Variants in EIF4G3 observed in about 807,000 individuals in gnomAD.
EIF4G3 encodes eukaryotic translation initiation factor 4 gamma 3.
EIF4G3 carries 34 observed loss-of-function variants against 186.4 expected under a neutral mutation model. That is an observed-to-expected ratio of 0.18 (90% CI 0.14 to 0.24). EIF4G3 has a LOEUF of 0.24. Ranked by LOEUF, EIF4G3 falls within the 10% of genes least tolerant of loss-of-function variation. EIF4G3 has a pLI of 1.00. For missense variants in EIF4G3, 1,536 were observed against 1,948.5 expected, an observed-to-expected ratio of 0.79 and a Z score of 3.99; for synonymous variants, 673 against 679.5, an observed-to-expected ratio of 0.99 and a Z score of 0.15.
chr1:20,985,419 C>CG (rs1390734907), intron 7 of EIF4G3, among the ~76,000 whole-genome samples: 4 of 151,918 alleles, frequency 2.6e-5, no homozygotes, highest in Admixed American at 2.0e-4. Context: ...AATAGTCTAT[C>CG]TGGAGCTTGT....
intron 3 of EIF4G3, among the ~76,000 whole-genome samples, chr1:21,070,833 T>C (rs2095419888): frequency 6.6e-6 from 1 of 152,206 alleles, no homozygotes; most frequent in Admixed American, 6.5e-5. Context: ...CTAGTAATAA[T>C]AGACTGAATC....
intron 3 of EIF4G3, among the ~76,000 whole-genome samples, chr1:21,052,732 C>A (rs915999307): frequency 1.1e-4 from 16 of 152,296 alleles, no homozygotes; most frequent in African/African-American, 3.8e-4. Flanking sequence ...AGGCGCGCGC[C>A]GCCACGCCTG....
chr1:20,978,475 A>G (rs2077297099), intron 10 of EIF4G3, among the ~76,000 whole-genome samples: 1 of 152,162 alleles, frequency 6.6e-6, no homozygotes, highest in Admixed American at 6.5e-5. Context: ...ACCTGCAGTC[A>G]ACCAGTCTGA....
chr1:21,078,957 C>T (rs2095676605), intron 3 of EIF4G3, among the ~76,000 whole-genome samples: 1 of 152,142 alleles, frequency 6.6e-6, no homozygotes, highest in African/African-American at 2.4e-5. Flanking sequence ...TGCACTCCAA[C>T]CTGGGCAACG....
chr1:21,022,973 TTAG>T (rs1156696729), intron 4 of EIF4G3, among the ~76,000 whole-genome samples: 2 of 152,200 alleles, frequency 1.3e-5, no homozygotes, highest in Non-Finnish European at 2.9e-5. Flanking sequence ...AGGATGCTAA[TTAG>T]TAGTACCCTC....
intron 27 of EIF4G3, among the ~76,000 whole-genome samples, chr1:20,852,780 AATC>A: frequency 6.6e-6 from 1 of 152,330 alleles, no homozygotes; most frequent in Non-Finnish European, 1.5e-5. Context: ...TGACAACCTG[AATC>A]ATCATGAAAA....
At chr1:20,957,106 C>A (rs2096450241) in intron 12 of EIF4G3, among the ~76,000 whole-genome samples, 1 of 152,088 alleles carries the variant, frequency 6.6e-6, no homozygotes, top group African/African-American at 2.4e-5. Flanking sequence ...CAATAGAGAA[C>A]ATCCTTGAAA....
intron 2 of EIF4G3, among the ~76,000 whole-genome samples, chr1:21,167,480 C>A (rs1170602502): frequency 6.6e-6 from 1 of 152,006 alleles, no homozygotes; most frequent in Non-Finnish European, 1.5e-5. Context: ...ACCAGCCTGG[C>A]CAATATATAA....
intron 10 of EIF4G3, among the ~76,000 whole-genome samples, chr1:20,975,678 A>C (rs2076717383): frequency 6.6e-6 from 1 of 150,888 alleles, no homozygotes; most frequent in South Asian, 2.1e-4. Context: ...ATTTAAAAAC[A>C]TTTTTATTCC....
At chr1:21,160,859 C>T (rs530560234) in intron 2 of EIF4G3, among the ~76,000 whole-genome samples, 1 of 152,226 alleles carries the variant, frequency 6.6e-6, no homozygotes, top group African/African-American at 2.4e-5. Context: ...CAGAGTAGGA[C>T]GTGTAGTGCT....
At chr1:21,076,775 TATACCAAAATC>T (rs1418392881) in intron 3 of EIF4G3, among the ~76,000 whole-genome samples, 13 of 152,136 alleles carry the variant, frequency 8.5e-5, no homozygotes, top group African/African-American at 3.1e-4. Context: ...TCTCTAACCA[TATACCAAAATC>T]AAACCAAAAT....
chr1:20,883,692 G>A (rs2083165244), intron 19 of EIF4G3, among the ~76,000 whole-genome samples: 2 of 151,818 alleles, frequency 1.3e-5, no homozygotes, highest in South Asian at 4.1e-4. Flanking sequence ...CTAGGTAAAG[G>A]GAAGAAAAAA....
chr1:20,923,478 G>A, intron 14 of EIF4G3, among the ~76,000 whole-genome samples: 1 of 151,988 alleles, frequency 6.6e-6, no homozygotes, highest in East Asian at 1.9e-4. Flanking sequence ...TTTAATTCAA[G>A]GTAAATCTAG....
At chr1:21,075,946 A>C (rs779383312) in intron 3 of EIF4G3, among the ~76,000 whole-genome samples, 1 of 152,174 alleles carries the variant, frequency 6.6e-6, no homozygotes, top group Non-Finnish European at 1.5e-5. Context: ...TGATCTAGAA[A>C]GAAAATAAAT....
intron 12 of EIF4G3, among the ~76,000 whole-genome samples, chr1:20,962,273 A>G (rs773577041): frequency 1.8e-4 from 28 of 152,170 alleles, no homozygotes; most frequent in African/African-American, 5.8e-4. Context: ...TGAAAGCCTT[A>G]CCGATAAAAC....
rs554269076 is a variant in EIF4G3, at chr1:20,839,064, C to T, written c.4061+1792G>A. Among the ~76,000 whole-genome samples the T allele has an allele frequency of 3.9e-5, 6 of 152,152 alleles. No individual in the cohort carries two copies. In the South Asian group the frequency reaches 8.3e-4, roughly 21 times the overall value. On this transcript the variant is annotated intron_variant, in intron 30 of 36. Transcript: ENST00000602326. ...CGCAATTTCAGCTCACTGCAACCTC[C>T]ACCTCCCTGGTTCAAGAGATTCTCT...
intron 12 of EIF4G3, among the ~76,000 whole-genome samples, chr1:20,957,191 T>C (rs2096453319): frequency 6.6e-6 from 1 of 152,110 alleles, no homozygotes; most frequent in Admixed American, 6.6e-5. Flanking sequence ...GAAGGCAGAC[T>C]TAAGAGGGCT....
chr1:20,978,315 C>G (rs1232488087), intron 10 of EIF4G3, among the ~76,000 whole-genome samples: 1 of 152,096 alleles, frequency 6.6e-6, no homozygotes, highest in Non-Finnish European at 1.5e-5. Flanking sequence ...AACTTTTAAA[C>G]TCACATATAT....
intron 14 of EIF4G3, among the ~76,000 whole-genome samples, chr1:20,934,706 C>T (rs911149434): frequency 6.6e-6 from 1 of 152,000 alleles, no homozygotes; most frequent in Non-Finnish European, 1.5e-5. Flanking sequence ...AGTGCTCTGC[C>T]TACTGGAGTT....
Sources: gnomAD v4.1 joint callset for allele counts (sites outside exome capture counted in the v4.1 genomes callset) on GRCh38, gnomAD v4.1.1 for gene constraint, MANE v1.5 for transcripts, NCBI Gene and HGNC (gene_info 2026-07-23, HGNC 2026-07-21) for gene names.